ADGRB3: variants seen among roughly 807,000 people sequenced by gnomAD.
ADGRB3 encodes the protein brain-specific angiogenesis inhibitor 3.
In ADGRB3, 37 loss-of-function variants were observed where a neutral mutation model predicts 193.4. That is an observed-to-expected ratio of 0.19 (90% CI 0.15 to 0.25). ADGRB3 has a LOEUF of 0.25. Among genes scored for constraint, ADGRB3 ranks in the 10% least tolerant of loss-of-function variants. ADGRB3 has a pLI of 1.00. For missense variants in ADGRB3, 1,637 were observed against 1,852.9 expected (o/e 0.88, Z 2.14); for synonymous variants, 690 against 644.2 (o/e 1.07, Z -1.08).
At chr6:68,711,582 G>T (rs1478358912) in intron 3 of ADGRB3, among the ~76,000 whole-genome samples, 1 of 151,890 alleles carries the variant, frequency 6.6e-6, no homozygotes, top group Admixed American at 6.6e-5. Flanking sequence ...GTTTTGTTTT[G>T]TTTTTCTTTG....
intron 3 of ADGRB3, among the ~76,000 whole-genome samples, chr6:68,694,532 C>G (rs1765126174): frequency 6.6e-6 from 1 of 151,868 alleles, no homozygotes; most frequent in Non-Finnish European, 1.5e-5. Flanking sequence ...TTTTAGTCTT[C>G]TGACTACACA....
chr6:69,114,541 T>C (rs1370680706), intron 17 of ADGRB3, among the ~76,000 whole-genome samples: 4 of 152,244 alleles, frequency 2.6e-5, no homozygotes, highest in Non-Finnish European at 5.9e-5. Context: ...TTTTGGCTTT[T>C]GTTGCCATTG....
chr6:69,227,385 T>C (rs1407513265), intron 17 of ADGRB3, among the ~76,000 whole-genome samples: 3 of 152,142 alleles, frequency 2.0e-5, no homozygotes, highest in Non-Finnish European at 2.9e-5. Context: ...AGAAAAACCA[T>C]TGATAGTTTT....
intron 17 of ADGRB3, among the ~76,000 whole-genome samples, chr6:69,117,392 G>T (rs1410380758): frequency 2.0e-5 from 3 of 152,110 alleles, no homozygotes; most frequent in African/African-American, 7.2e-5. Flanking sequence ...TATTCCACTA[G>T]AACACAGATT....
rs148915585 is a variant in ADGRB3 at position 68,815,830 on chromosome 6, G to A, written c.758-114729G>A. On this transcript the variant is annotated intron_variant, in intron 3 of 31. Coordinates refer to ENST00000370598, the MANE Select transcript of ADGRB3 (RefSeq NM_001704.3). ...TTTGCATTGCTTTAGGATTCATTCA[G>A]GATATTTCAGCTTCTTTTTTTTATT... Among the ~76,000 whole-genome samples, 3 of 152,050 alleles carry A rather than the reference G, an allele frequency of 2.0e-5. No homozygotes were observed. In the East Asian group the frequency reaches 5.8e-4, roughly 29 times the overall value.
intron 17 of ADGRB3, among the ~76,000 whole-genome samples, chr6:69,226,413 G>A (rs1258031967): frequency 6.6e-6 from 1 of 152,152 alleles, no homozygotes; most frequent in African/African-American, 2.4e-5. Context: ...TATGTGTCAA[G>A]CAGTATGTTA....
At chr6:69,256,980 G>A (rs1766790958) in intron 20 of ADGRB3, among the ~76,000 whole-genome samples, 1 of 151,992 alleles carries the variant, frequency 6.6e-6, no homozygotes, top group South Asian at 2.1e-4. Flanking sequence ...TTTGTCTTTG[G>A]TTCTGTTTAT....
chr6:69,242,301 T>C (rs2127262098), intron 20 of ADGRB3, among the ~76,000 whole-genome samples: 1 of 152,050 alleles, frequency 6.6e-6, no homozygotes, highest in South Asian at 2.1e-4. Flanking sequence ...AGGATCCCTT[T>C]GCTTCTGTGG....
chr6:69,261,748 T>C (rs944252032), intron 20 of ADGRB3, among the ~76,000 whole-genome samples: 2 of 152,028 alleles, frequency 1.3e-5, no homozygotes, highest in Non-Finnish European at 2.9e-5. Flanking sequence ...GTAATCCAAA[T>C]TGTAAATGAA....
intron 17 of ADGRB3, among the ~76,000 whole-genome samples, chr6:69,078,016 A>T (rs982123716): frequency 1.3e-5 from 2 of 151,928 alleles, no homozygotes; most frequent in African/African-American, 4.8e-5. Context: ...TTCTATTTTG[A>T]CTATATTTAT....
intron 3 of ADGRB3, among the ~76,000 whole-genome samples, chr6:68,788,860 T>A (rs889805252): frequency 1.3e-5 from 2 of 152,236 alleles, no homozygotes; most frequent in Non-Finnish European, 2.9e-5. Context: ...CATATACATA[T>A]AGGATAGTTA....
intron 3 of ADGRB3, among the ~76,000 whole-genome samples, chr6:68,745,727 A>G (rs9454612): frequency 0.012 from 1,803 of 151,876 alleles, 43 homozygotes; most frequent in African/African-American, 0.039. Flanking sequence ...TATATTTAGA[A>G]ATGAATTTAG....
chr6:68,974,267 A>G (rs1768674666), intron 8 of ADGRB3, among the ~76,000 whole-genome samples: 1 of 152,222 alleles, frequency 6.6e-6, no homozygotes, highest in Admixed American at 6.5e-5. Context: ...AAAAGAAATT[A>G]CAATTCTGTA....
At chr6:69,288,362 G>T (rs969977618) in intron 20 of ADGRB3, among the ~76,000 whole-genome samples, 19 of 152,102 alleles carry the variant, frequency 1.2e-4, no homozygotes, top group African/African-American at 4.6e-4. Context: ...CCATGTCCCT[G>T]CAAAGGACAT....
chr6:68,645,440 G>A (rs1317494155), intron 3 of ADGRB3, among the ~76,000 whole-genome samples: 1 of 152,138 alleles, frequency 6.6e-6, no homozygotes. Flanking sequence ...TAAGAAATCA[G>A]AGATAATACT....
At chr6:68,731,801 T>C (rs1165289426) in intron 3 of ADGRB3, among the ~76,000 whole-genome samples, 2 of 151,680 alleles carry the variant, frequency 1.3e-5, no homozygotes, top group Non-Finnish European at 3.0e-5. Context: ...TAGTGATTTA[T>C]AGACATGTGA....
At chr6:69,246,511 A>T (rs1766501803) in intron 20 of ADGRB3, among the ~76,000 whole-genome samples, 2 of 152,282 alleles carry the variant, frequency 1.3e-5, no homozygotes, top group African/African-American at 4.8e-5. Context: ...ATAAAAGATG[A>T]TTTCCCAAAA....
rs1041012410 is a variant in ADGRB3, at chr6:69,273,336, G to A, written c.2814+34110G>A. On this transcript the variant is annotated intron_variant, in intron 20 of 31. Coordinates refer to ENST00000370598, the MANE Select transcript of ADGRB3 (RefSeq NM_001704.3). ...TCCATATATCAAAATCACTTCTCCT[G>A]TCTTAAAAAATGTGGCCATGTAGAC... Among the ~76,000 whole-genome samples the A allele has an allele frequency of 5.1e-4, 77 of 152,130 alleles. 2 individuals are homozygous for A. The highest frequency in any genetic ancestry group is 5.0e-3 in the Admixed American group (77 of 15,266).
At chr6:68,655,773 G>A (rs534816345) in intron 3 of ADGRB3, among the ~76,000 whole-genome samples, 1 of 151,614 alleles carries the variant, frequency 6.6e-6, no homozygotes, top group Non-Finnish European at 1.5e-5. Flanking sequence ...GTTTGACAAA[G>A]GGTGATTGCC....
Sources: gnomAD v4.1 joint callset for allele counts (sites outside exome capture counted in the v4.1 genomes callset) on GRCh38, gnomAD v4.1.1 for gene constraint, MANE v1.5 for transcripts, NCBI Gene and HGNC (gene_info 2026-07-23, HGNC 2026-07-21) for gene names.